ATXN1: variants seen among roughly 807,000 people sequenced by gnomAD.
ATXN1 encodes ataxin-1.
ATXN1 carries 8 observed loss-of-function variants against 56.4 expected under a neutral mutation model. The observed-to-expected ratio is 0.14, with a 90% confidence interval of 0.08 to 0.26. The LOEUF (loss-of-function observed/expected upper bound fraction) is 0.26, where lower values mean the gene tolerates loss of function less well. ATXN1 is among the 10% of genes least tolerant of loss of function. The pLI, the probability that ATXN1 is intolerant of heterozygous loss-of-function variation, is 1.00. For synonymous variants in ATXN1, 514 were observed against 494.6 expected (o/e 1.04, Z -0.52); for missense variants, 987 against 1,106.5 (o/e 0.89, Z 1.53).
chr6:16,353,398 G>A (rs1011044049), intron 6 of ATXN1, among the ~76,000 whole-genome samples: 3 of 152,190 alleles, frequency 2.0e-5, no homozygotes, highest in African/African-American at 7.2e-5. Flanking sequence ...CAGGAGGCCC[G>A]GCATGGTGGC....
chr6:16,440,823 C>G (rs1276300010), intron 6 of ATXN1, among the ~76,000 whole-genome samples: 1 of 152,050 alleles, frequency 6.6e-6, no homozygotes, highest in African/African-American at 2.4e-5. Context: ...CAGCCAAAAA[C>G]CCATGGACCA....
At chr6:16,309,676 G>A (rs1200976701) in intron 7 of ATXN1, among the ~76,000 whole-genome samples, 4 of 152,180 alleles carry the variant, frequency 2.6e-5, no homozygotes, top group Non-Finnish European at 4.4e-5. Context: ...TGAGGCAGAT[G>A]AGAATTAAAC....
chr6:16,408,531 A>AAAT (rs397717706), intron 6 of ATXN1, among the ~76,000 whole-genome samples: 1 of 151,310 alleles, frequency 6.6e-6, no homozygotes, highest in Non-Finnish European at 1.5e-5. Flanking sequence ...AAAAAAAAAA[A>AAAT]GTTAACAGTA....
chr6:16,316,518 G>A (rs562864964), intron 7 of ATXN1, among the ~76,000 whole-genome samples: 4 of 152,230 alleles, frequency 2.6e-5, no homozygotes, highest in Admixed American at 6.5e-5. Context: ...AGGCAGAGGC[G>A]GGCTGATCAT....
intron 7 of ATXN1, among the ~76,000 whole-genome samples, chr6:16,317,750 T>C (rs1478868353): frequency 6.6e-6 from 1 of 151,064 alleles, no homozygotes; most frequent in Non-Finnish European, 1.5e-5. Flanking sequence ...CCCTCCCTCC[T>C]CCCACTGCTG....
chr6:16,666,225 G>C (rs571419923), intron 2 of ATXN1, among the ~76,000 whole-genome samples: 2 of 152,276 alleles, frequency 1.3e-5, no homozygotes, highest in East Asian at 3.9e-4. Flanking sequence ...ATATGAGTGA[G>C]AATATGTGAT....
intron 2 of ATXN1, among the ~76,000 whole-genome samples, chr6:16,677,698 G>A (rs1758716954): frequency 1.3e-5 from 2 of 152,186 alleles, no homozygotes; most frequent in African/African-American, 2.4e-5. Context: ...GTCCTTTCAA[G>A]CAGCTAATTC....
chr6:16,322,410 G>T lies in ATXN1; in HGVS notation c.1917+3984C>A, dbSNP rs547395100. On this transcript the variant is annotated intron_variant, in intron 7 of 7. Coordinates refer to ENST00000436367, the MANE Select transcript of ATXN1 (RefSeq NM_001128164.2). ...TGCTTTCCCTGGGGGTGTGATGTTG[G>T]GGGGGTCTTATGAGTTCAGGCATCC... Among the ~76,000 whole-genome samples, 6 of 152,176 alleles carry T rather than the reference G, an allele frequency of 3.9e-5. No individual in the cohort carries two copies. The East Asian group carries it at 1.2e-3, about 29-fold the overall frequency.
chr6:16,309,195 T>G (rs1760328479), intron 7 of ATXN1, among the ~76,000 whole-genome samples: 1 of 147,672 alleles, frequency 6.8e-6, no homozygotes, highest in Non-Finnish European at 1.5e-5. Flanking sequence ...AAGACTGCAC[T>G]CCAGCCTGGA....
At chr6:16,539,200 A>T (rs1465466936) in intron 4 of ATXN1, among the ~76,000 whole-genome samples, 1 of 152,370 alleles carries the variant, frequency 6.6e-6, no homozygotes, top group South Asian at 2.1e-4. Context: ...CTAATGATTC[A>T]TTCCACTTTT....
intron 6 of ATXN1, chr6:16,432,767 T>C (rs1421777695): frequency 1.3e-5 from 2 of 152,216 alleles, no homozygotes; most frequent in East Asian, 3.9e-4. Context: ...TTATAAACTA[T>C]GAAGGGCTTG....
intron 6 of ATXN1, among the ~76,000 whole-genome samples, chr6:16,395,682 C>G (rs1203373523): frequency 6.6e-6 from 1 of 152,110 alleles, no homozygotes; most frequent in South Asian, 2.1e-4. Flanking sequence ...CGATACTATA[C>G]TTTTTATTGT....
intron 6 of ATXN1, among the ~76,000 whole-genome samples, chr6:16,369,539 T>C (rs1163884788): frequency 1.3e-5 from 2 of 152,188 alleles, no homozygotes; most frequent in African/African-American, 4.8e-5. Flanking sequence ...ATGCGGTAAA[T>C]GCCCATGGAC....
rs111476258 is a variant in ATXN1 at position 16,306,964 on chromosome 6, G to C, written c.1918-105C>G. 3.4e-3 allele frequency: 4,431 copies of C among 1,296,458 alleles called. 92 individuals carry two copies. The African/African-American group carries it at 0.052, about 15-fold the overall frequency. The allele number at this position is 1,296,458 out of a possible 1,614,324, so 80.3% of individuals were successfully genotyped here. On this transcript the variant is annotated intron_variant, in intron 7 of 7. Transcript: ENST00000436367. This position sits in a 1 kb window ranked among gnomAD's most constrained non-coding sequence, Gnocchi z 5.2. Reference sequence around the variant, plus strand: ...ACACACACAGGTATGAACTCACACAGACACACACAGGCTGAATGGGGGAAA... The same window carrying C: ...ACACACACAGGTATGAACTCACACACACACACACAGGCTGAATGGGGGAAA...
chr6:16,637,263 G>A (rs199895496), intron 3 of ATXN1, among the ~76,000 whole-genome samples: 2 of 150,174 alleles, frequency 1.3e-5, no homozygotes, highest in Admixed American at 6.7e-5. Context: ...ACCAAACACC[G>A]CATGTTCTCA....
At chr6:16,400,144 C>G (rs1319320382) in intron 6 of ATXN1, among the ~76,000 whole-genome samples, 2 of 152,198 alleles carry the variant, frequency 1.3e-5, no homozygotes, top group Non-Finnish European at 2.9e-5. Flanking sequence ...ACCTCTCTCA[C>G]CTATCCTTAG....
chr6:16,429,901 C>T (rs1290654864), intron 6 of ATXN1, among the ~76,000 whole-genome samples: 1 of 152,150 alleles, frequency 6.6e-6, no homozygotes, highest in African/African-American at 2.4e-5. Context: ...AGCTCAAACC[C>T]AAGTCTGTGG....
At chr6:16,692,146 C>T (rs938083548) in intron 2 of ATXN1, among the ~76,000 whole-genome samples, 1 of 152,210 alleles carries the variant, frequency 6.6e-6, no homozygotes, top group African/African-American at 2.4e-5. Flanking sequence ...GTCCCAGCTA[C>T]TCAGGAGGCT....
chr6:16,405,779 A>T (rs1309333140), intron 6 of ATXN1, among the ~76,000 whole-genome samples: 1 of 152,174 alleles, frequency 6.6e-6, no homozygotes, highest in Non-Finnish European at 1.5e-5. Context: ...TGTGCATACC[A>T]TGTGCGAAGT....
Sources: gnomAD v4.1 joint callset for allele counts (sites outside exome capture counted in the v4.1 genomes callset) on GRCh38, gnomAD v4.1.1 for gene constraint, Gnocchi (gnomAD v3.1) non-coding constraint, MANE v1.5 for transcripts, NCBI Gene and HGNC (gene_info 2026-07-23, HGNC 2026-07-21) for gene names.